PDSS2: variants seen among roughly 807,000 people sequenced by gnomAD.
PDSS2 encodes decaprenyl diphosphate synthase subunit 2.
PDSS2 carries 31 observed loss-of-function variants against 44.5 expected under a neutral mutation model. The observed-to-expected ratio is 0.70, with a 90% CI of 0.52 to 0.94. The LOEUF (loss-of-function observed/expected upper bound fraction) is 0.94. Among genes scored for constraint, PDSS2 ranks in the 40% least tolerant of loss-of-function variants. The pLI, the probability that PDSS2 is intolerant of heterozygous loss-of-function variation, is 0.00. For synonymous variants in PDSS2, 157 were observed against 180.3 expected (o/e 0.87, Z 1.03); for missense variants, 452 against 482.2 (o/e 0.94, Z 0.59).
intron 1 of PDSS2, among the ~76,000 whole-genome samples, chr6:107,388,194 G>A (rs2114508234): frequency 6.6e-6 from 1 of 152,272 alleles, no homozygotes; most frequent in Non-Finnish European, 1.5e-5. Context: ...TAGAGCATAA[G>A]TTTATTATCC....
chr6:107,261,726 C>T (rs1348832715), intron 3 of PDSS2, among the ~76,000 whole-genome samples: 2 of 151,456 alleles, frequency 1.3e-5, no homozygotes, highest in South Asian at 2.1e-4. Flanking sequence ...TATAGGTGCC[C>T]GCCACCATGC....
chr6:107,233,833 TA>T (rs1243279662), intron 4 of PDSS2, among the ~76,000 whole-genome samples: 211 of 144,908 alleles, frequency 1.5e-3, no homozygotes, highest in Non-Finnish European at 2.4e-3. Context: ...AATATAAATG[TA>T]AAAAAAAAAA....
intron 7 of PDSS2, among the ~76,000 whole-genome samples, chr6:107,188,214 C>CA (rs1209933109): frequency 6.6e-6 from 1 of 151,940 alleles, no homozygotes; most frequent in African/African-American, 2.4e-5. Context: ...CCCATCTCTA[C>CA]AAAAAATACA....
intron 1 of PDSS2, among the ~76,000 whole-genome samples, chr6:107,377,280 A>G (rs574442444): frequency 1.4e-4 from 21 of 152,344 alleles, no homozygotes; most frequent in African/African-American, 4.3e-4. Flanking sequence ...CAAAACACAC[A>G]TGAAAAAATG....
intron 4 of PDSS2, among the ~76,000 whole-genome samples, chr6:107,237,501 C>T (rs913265095): frequency 6.6e-6 from 1 of 151,878 alleles, no homozygotes; most frequent in Non-Finnish European, 1.5e-5. Flanking sequence ...CCTTGGCCTC[C>T]CAAAGTGCTG....
intron 2 of PDSS2, among the ~76,000 whole-genome samples, chr6:107,319,366 T>C (rs969668607): frequency 3.3e-5 from 5 of 152,254 alleles, no homozygotes; most frequent in African/African-American, 9.6e-5. Flanking sequence ...ACTTCCTTCA[T>C]TGAAGGTACA....
chr6:107,405,674 C>T (rs1464980777), intron 1 of PDSS2, among the ~76,000 whole-genome samples: 3 of 151,676 alleles, frequency 2.0e-5, no homozygotes, highest in South Asian at 2.1e-4. Flanking sequence ...GGTGAAACCC[C>T]GTCTCTACTA....
At chr6:107,298,709 C>G (rs1776593489) in intron 2 of PDSS2, among the ~76,000 whole-genome samples, 1 of 152,092 alleles carries the variant, frequency 6.6e-6, no homozygotes, top group Admixed American at 6.5e-5. Context: ...ACATAGTTGG[C>G]TAGGTTTTAG....
chr6:107,293,735 G>A (rs1486695532), intron 2 of PDSS2, among the ~76,000 whole-genome samples: 1 of 152,184 alleles, frequency 6.6e-6, no homozygotes, highest in Admixed American at 6.5e-5. Context: ...ATGCTGCTGA[G>A]CAAAATCAGC....
intron 2 of PDSS2, among the ~76,000 whole-genome samples, chr6:107,307,562 G>C (rs1776901772): frequency 6.6e-6 from 1 of 151,166 alleles, no homozygotes; most frequent in Non-Finnish European, 1.5e-5. Context: ...GAGGGTGGCT[G>C]TCTATATTAT....
chr6:107,162,607 C>G (rs1324266743), intron 7 of PDSS2, among the ~76,000 whole-genome samples: 2 of 88,850 alleles, frequency 2.3e-5, no homozygotes, highest in Non-Finnish European at 4.2e-5. Context: ...CAAGAATTCC[C>G]TAATTTTTTT....
chr6:107,157,970 T>TG (rs1770969614), intron 7 of PDSS2, among the ~76,000 whole-genome samples: 1 of 151,768 alleles, frequency 6.6e-6, no homozygotes, highest in Non-Finnish European at 1.5e-5. Context: ...TGCGCCCGAC[T>TG]TAGTGTTGTA....
intron 1 of PDSS2, among the ~76,000 whole-genome samples, chr6:107,363,486 G>T (rs1357619950): frequency 6.6e-6 from 1 of 152,034 alleles, no homozygotes; most frequent in African/African-American, 2.4e-5. Context: ...AGCACGTCTG[G>T]AGTTGTTCGT....
Position 107,459,344 on chromosome 6 carries a change from A to ACC in PDSS2, c.-61_-60dup, listed in dbSNP as rs1407034874. The ACC allele has an allele frequency of 2.0e-5, 29 of 1,430,544 alleles. No individual in the cohort carries two copies. The highest frequency in any genetic ancestry group is 2.7e-5 in the Non-Finnish European group (27 of 1,018,274). The allele number at this position is 1,430,544 out of a possible 1,614,324, so 88.6% of individuals were successfully genotyped here. A position where few individuals can be genotyped will look rare whatever the true frequency, so the allele number is the denominator to read the frequency against. ...TATCCAGAAGTGCCGCGGGAAACAA[A>ACC]CCAGGGGCAGAGGAGGAACTTACAG... On this transcript the variant is annotated 5_prime_UTR_variant, in exon 1 of 8. Coordinates refer to ENST00000369037, the MANE Select transcript of PDSS2 (RefSeq NM_020381.4). The surrounding 1 kb of genome is among the most constrained non-coding windows in gnomAD (Gnocchi z 4.3).
intron 1 of PDSS2, among the ~76,000 whole-genome samples, chr6:107,422,080 TA>T (rs1366699140): frequency 2.8e-5 from 4 of 143,484 alleles, no homozygotes; most frequent in African/African-American, 1.0e-4. Context: ...TATAAAATTT[TA>T]AAAGTAAAAA....
At chr6:107,245,640 T>C in intron 3 of PDSS2, 21 bp from the exon 4 acceptor site, 1 of 1,465,192 alleles carries the variant, frequency 6.8e-7, no homozygotes, top group East Asian at 2.4e-5. Context: ...AGAAGAAAAA[T>C]AAAAATAAAA....
intron 4 of PDSS2, among the ~76,000 whole-genome samples, chr6:107,216,505 C>G (rs1036022520): frequency 1.3e-5 from 2 of 151,934 alleles, no homozygotes; most frequent in African/African-American, 4.8e-5. Flanking sequence ...AAACAAAAAA[C>G]AAAACCTGGG....
chr6:107,157,955 G>C (rs1273995018), intron 7 of PDSS2, among the ~76,000 whole-genome samples: 8 of 152,086 alleles, frequency 5.3e-5, no homozygotes, highest in Non-Finnish European at 1.0e-4. Flanking sequence ...ACAGGCATGA[G>C]CCACTGCGCC....
chr6:107,396,287 A>G (rs1779937151), intron 1 of PDSS2, among the ~76,000 whole-genome samples: 3 of 152,134 alleles, frequency 2.0e-5, no homozygotes, highest in Non-Finnish European at 4.4e-5. Flanking sequence ...AGACCTGCCC[A>G]AACTTTAATC....
Sources: gnomAD v4.1 joint callset for allele counts (sites outside exome capture counted in the v4.1 genomes callset) on GRCh38, gnomAD v4.1.1 for gene constraint, Gnocchi (gnomAD v3.1) non-coding constraint, MANE v1.5 for transcripts, NCBI Gene and HGNC (gene_info 2026-07-23, HGNC 2026-07-21) for gene names.